The following ADAMTS2 variants were observed in gnomAD, a reference collection of about 807,000 sequenced individuals.
ADAMTS2 encodes the protein ADAM metallopeptidase with thrombospondin type 1 motif 2.
Under a neutral mutation model 123.0 loss-of-function variants are expected in ADAMTS2, and 50 were observed. That is an observed-to-expected ratio of 0.41 (90% CI 0.32 to 0.51). The LOEUF (loss-of-function observed/expected upper bound fraction) is 0.51, where lower values mean the gene tolerates loss of function less well. ADAMTS2 is among the 20% of genes least tolerant of loss of function. The pLI, the probability that ADAMTS2 is intolerant of heterozygous loss-of-function variation, is 0.35. For synonymous variants in ADAMTS2, 678 were observed against 695.4 expected (o/e 0.98, Z 0.39); for missense variants, 1,494 against 1,705.2 (o/e 0.88, Z 2.18).
intron 3 of ADAMTS2, among the ~76,000 whole-genome samples, chr5:179,268,831 G>A (rs1417836575): frequency 1.3e-5 from 2 of 152,180 alleles, no homozygotes; most frequent in Admixed American, 6.5e-5. Context: ...CCAGACGGGC[G>A]CCTCCCGGGT....
intron 2 of ADAMTS2, among the ~76,000 whole-genome samples, chr5:179,291,290 T>C (rs1054490967): frequency 6.6e-6 from 1 of 152,068 alleles, no homozygotes; most frequent in Non-Finnish European, 1.5e-5. Flanking sequence ...TGTTCAGGGG[T>C]GGGCAGTGGC....
rs997068512 is a variant in ADAMTS2, at chr5:179,256,553, C to T, written c.688+16358G>A. 6.6e-6 allele frequency among the ~76,000 whole-genome samples: 1 copy of T among 150,998 alleles called. No individual in the cohort carries two copies. The highest frequency in any genetic ancestry group is 2.1e-4 in the South Asian group (1 of 4,796). ...GTGAGAGAGAGAGAGGAGAGAGAGA[C>T]GGAGAGAGTTTATGTACGTGTAACT... On this transcript the variant is annotated intron_variant, in intron 3 of 21. Transcript: ENST00000251582. The surrounding 1 kb of genome is among the most constrained non-coding windows in gnomAD (Gnocchi z 4.1).
Position 179,163,329 on chromosome 5 carries a change from G to A in ADAMTS2, c.976-4450C>T, listed in dbSNP as rs116134958. Among the ~76,000 whole-genome samples, 254 of 152,288 alleles carry A rather than the reference G, an allele frequency of 1.7e-3. 1 individual carries two copies. Among genetic ancestry groups the A allele is most frequent in the African/African-American group, 5.4e-3 (225 of 41,548 alleles). ...TCCCTATTAGAATAGAGTGGGGGTC[G>A]GTGATAAGGAGTGGCGAGGACTGTG... is the stretch of plus-strand genomic sequence containing the variant. On this transcript the variant is annotated intron_variant, in intron 5 of 21. Coordinates refer to ENST00000251582, the MANE Select transcript of ADAMTS2 (RefSeq NM_014244.5).
At chr5:179,179,217 G>C (rs1763994986) in intron 5 of ADAMTS2, among the ~76,000 whole-genome samples, 1 of 150,464 alleles carries the variant, frequency 6.6e-6, no homozygotes, top group Non-Finnish European at 1.5e-5. Flanking sequence ...AAAGTGCTAG[G>C]ATTACAGGTG....
chr5:179,154,776 T>C (rs1314049592), intron 7 of ADAMTS2, 38 bp downstream of exon 7: 1 of 1,522,316 alleles, frequency 6.6e-7, no homozygotes, highest in Admixed American at 1.8e-5. Flanking sequence ...GATCCTAGGG[T>C]GGCCCCTCTG....
chr5:179,240,093 G>C (rs139894621), intron 3 of ADAMTS2, among the ~76,000 whole-genome samples: 2 of 152,184 alleles, frequency 1.3e-5, no homozygotes, highest in African/African-American at 4.8e-5. Flanking sequence ...GGTGACAGAC[G>C]AGGGAAGCCG....
intron 9 of ADAMTS2, among the ~76,000 whole-genome samples, chr5:179,152,510 C>T (rs564975452): frequency 2.6e-5 from 4 of 152,250 alleles, no homozygotes; most frequent in South Asian, 4.1e-4. Flanking sequence ...GGGAGCCTGG[C>T]GGGCAGCTGG....
At chr5:179,171,491 C>A (rs1413813803) in intron 5 of ADAMTS2, among the ~76,000 whole-genome samples, 1 of 152,184 alleles carries the variant, frequency 6.6e-6, no homozygotes, top group Non-Finnish European at 1.5e-5. Flanking sequence ...GACTCATAGC[C>A]TCGGCTCACT....
At chr5:179,320,844 C>T (rs989256709) in intron 2 of ADAMTS2, among the ~76,000 whole-genome samples, 2 of 152,132 alleles carry the variant, frequency 1.3e-5, no homozygotes, top group African/African-American at 2.4e-5. Context: ...AAGCTGTTTC[C>T]CCCGGGTTGT....
rs888054001 is a variant in ADAMTS2, at chr5:179,303,029, C to G, written c.535-29965G>C. 2.8e-5 allele frequency among the ~76,000 whole-genome samples: 4 copies of G among 143,844 alleles called. No homozygotes were observed. Among genetic ancestry groups the G allele is most frequent in the East Asian group, 4.0e-4 (2 of 4,946 alleles). 94.4% of individuals were successfully genotyped at this position (143,844 alleles called of 152,430 possible). On this transcript the variant is annotated intron_variant, in intron 2 of 21. Coordinates refer to ENST00000251582, the MANE Select transcript of ADAMTS2 (RefSeq NM_014244.5). This position sits in a 1 kb window ranked among gnomAD's most constrained non-coding sequence, Gnocchi z 4.7. ...GGGTACAGGAGGTCAGAGTGGTGGG[C>G]GGGGGCAGACTGCACAGAGCTTCCT...
At chr5:179,276,103 G>A (rs1422473223) in intron 2 of ADAMTS2, among the ~76,000 whole-genome samples, 1 of 152,184 alleles carries the variant, frequency 6.6e-6, no homozygotes, top group East Asian at 1.9e-4. Flanking sequence ...TCATCCCTGG[G>A]TCTCAGGGCT....
At chr5:179,207,837 T>C in intron 3 of ADAMTS2, 122 bp from the exon 4 acceptor site, 1 of 879,556 alleles carries the variant, frequency 1.1e-6, no homozygotes, top group South Asian at 1.4e-5. Flanking sequence ...AGGGTATTAT[T>C]CCATTTTACA....
rs1045885242 is a variant in ADAMTS2 at position 179,180,102 on chromosome 5, T to A, written c.975+970A>T. On this transcript the variant is annotated intron_variant, in intron 5 of 21. Coordinates refer to ENST00000251582, the MANE Select transcript of ADAMTS2 (RefSeq NM_014244.5). The surrounding 1 kb of genome is among the most constrained non-coding windows in gnomAD (Gnocchi z 4.6). The stretch of plus-strand genomic sequence containing the variant: ...TGGGCAGAGTCACAGTGTGCACCCC[T>A]CCATCTGCCCTGTAGATTAAGGGCA... Among the ~76,000 whole-genome samples the A allele has an allele frequency of 6.6e-6, 1 of 152,160 alleles. No individual in the cohort carries two copies. The highest frequency in any genetic ancestry group is 2.4e-5 in the African/African-American group (1 of 41,424).
intron 2 of ADAMTS2, among the ~76,000 whole-genome samples, chr5:179,290,558 G>A (rs163323): frequency 0.64 from 97,898 of 152,176 alleles, 32,469 homozygotes; most frequent in Non-Finnish European, 0.72. Context: ...CGTTGCATAC[G>A]GAGGAAGCTG....
intron 3 of ADAMTS2, among the ~76,000 whole-genome samples, chr5:179,236,304 G>A (rs1207755000): frequency 6.6e-6 from 1 of 152,172 alleles, no homozygotes; most frequent in Non-Finnish European, 1.5e-5. Flanking sequence ...AGGTGCTTGG[G>A]GAAGAGGGAC....
At chr5:179,343,013 T>C (rs1757826002) in intron 2 of ADAMTS2, among the ~76,000 whole-genome samples, 1 of 152,224 alleles carries the variant, frequency 6.6e-6, no homozygotes, top group Non-Finnish European at 1.5e-5. Context: ...GAGCAGCTCA[T>C]GGGCACTAGA....
intron 3 of ADAMTS2, among the ~76,000 whole-genome samples, chr5:179,236,430 C>G (rs753586821): frequency 2.2e-4 from 34 of 152,172 alleles, no homozygotes; most frequent in Non-Finnish European, 4.7e-4. Context: ...CAAGCAATAT[C>G]AATGAAAGCC....
chr5:179,196,104 A>G (rs965714969), intron 4 of ADAMTS2, among the ~76,000 whole-genome samples: 1 of 152,136 alleles, frequency 6.6e-6, no homozygotes, highest in Non-Finnish European at 1.5e-5. Context: ...AGCACTCGTG[A>G]AAGTTGGTGA....
rs1762565956 is a variant in ADAMTS2 at position 179,111,443 on chromosome 5, T to C, written c.*2424A>G. 2 of 152,304 alleles carry C rather than the reference T, an allele frequency of 1.3e-5. No homozygotes were observed. The allele number at this position is 152,304 out of a possible 1,614,324, so 9.4% of individuals were successfully genotyped here. On this transcript the variant is annotated 3_prime_UTR_variant, in exon 22 of 22. Coordinates refer to ENST00000251582, the MANE Select transcript of ADAMTS2 (RefSeq NM_014244.5). ...CTCAGAGCCCGGTGAACGTTGGCAT[T>C]CCTTGGACAGACTTTTGAGGACCAT...
Sources: allele counts gnomAD v4.1 joint callset (sites outside exome capture counted in the v4.1 genomes callset), GRCh38; gene constraint gnomAD v4.1.1; non-coding constraint Gnocchi (gnomAD v3.1); transcripts MANE v1.5; gene names NCBI Gene and HGNC (gene_info 2026-07-23, HGNC 2026-07-21).